The following LOC128092252 variants were observed in gnomAD, a reference collection of about 807,000 sequenced individuals.
the LOC128092252 span, among the ~76,000 whole-genome samples, chr15:50,677,763 A>T: frequency 1.3e-5 from 2 of 150,308 alleles, no homozygotes; most frequent in African/African-American, 4.9e-5. Context: ...AAAAAAAACA[A>T]AAGGTAACCC....
At chr15:50,682,646 T>C in the LOC128092252 span, among the ~76,000 whole-genome samples, 1 of 151,680 alleles carries the variant, frequency 6.6e-6, no homozygotes, top group Admixed American at 6.6e-5. Flanking sequence ...GTCAACAAAA[T>C]CTCTAAAAGA....
the LOC128092252 span, among the ~76,000 whole-genome samples, chr15:50,672,901 A>T: frequency 7.6e-6 from 1 of 131,564 alleles, no homozygotes; most frequent in Non-Finnish European, 1.6e-5. Flanking sequence ...TCTGTCTCAA[A>T]AAAAAAAAAA....
the LOC128092252 span, among the ~76,000 whole-genome samples, chr15:50,670,272 T>C: frequency 1.3e-5 from 2 of 152,102 alleles, no homozygotes; most frequent in Non-Finnish European, 1.5e-5. Context: ...TAAACCAGAG[T>C]GACTCCATCT....
At chr15:50,679,538 A>ATATATATTTTT in the LOC128092252 span, among the ~76,000 whole-genome samples, 26 of 43,888 alleles carry the variant, frequency 5.9e-4, no homozygotes, top group African/African-American at 2.8e-3. Flanking sequence ...ATATATATAT[A>ATATATATTTTT]TTTTTTTTTT....
chr15:50,651,644 A>G, the LOC128092252 span, among the ~76,000 whole-genome samples: 1 of 152,066 alleles, frequency 6.6e-6, no homozygotes, highest in East Asian at 1.9e-4. Flanking sequence ...CGAAAAAATT[A>G]AAGAAAAAAT....
the LOC128092252 span, chr15:50,686,449 C>A: frequency 6.2e-7 from 1 of 1,611,270 alleles, no homozygotes; most frequent in Non-Finnish European, 8.5e-7. Context: ...CGCGGCTCCC[C>A]ACACACTTGC....
chr15:50,657,576 A>C, the LOC128092252 span, among the ~76,000 whole-genome samples: 2 of 152,066 alleles, frequency 1.3e-5, no homozygotes, highest in Non-Finnish European at 2.9e-5. Flanking sequence ...TCTGCTCAAC[A>C]GACACAACTT....
chr15:50,652,841 G>T, the LOC128092252 span, among the ~76,000 whole-genome samples: 21 of 151,936 alleles, frequency 1.4e-4, no homozygotes, highest in African/African-American at 4.6e-4. Flanking sequence ...CTCAAAAAAA[G>T]AAAAAAAGGC....
At chr15:50,650,393 G>A in the LOC128092252 span, among the ~76,000 whole-genome samples, 2 of 151,526 alleles carry the variant, frequency 1.3e-5, no homozygotes, top group Non-Finnish European at 2.9e-5. Flanking sequence ...AAATTAGAAG[G>A]ACTAAATTAG....
chr15:50,657,651 A>G, the LOC128092252 span: 8 of 761,432 alleles, frequency 1.1e-5, no homozygotes, highest in Non-Finnish European at 1.7e-5. Context: ...TCACCTTCCA[A>G]GTCTAGGTAA....
At chr15:50,673,799 G>A in the LOC128092252 span, among the ~76,000 whole-genome samples, 1 of 152,118 alleles carries the variant, frequency 6.6e-6, no homozygotes, top group African/African-American at 2.4e-5. Context: ...ACCCAGTAGT[G>A]GGACTGCTGT....
chr15:50,660,685 G>T, the LOC128092252 span, among the ~76,000 whole-genome samples: 1 of 152,072 alleles, frequency 6.6e-6, no homozygotes. Context: ...TACTTATCAC[G>T]TTTTCTTGAT....
the LOC128092252 span, among the ~76,000 whole-genome samples, chr15:50,653,812 G>A: frequency 6.6e-6 from 1 of 152,210 alleles, no homozygotes; most frequent in Non-Finnish European, 1.5e-5. Context: ...GGTCTAAGGT[G>A]TATCTGTGAG....
the LOC128092252 span, among the ~76,000 whole-genome samples, chr15:50,685,684 A>G: frequency 6.6e-6 from 1 of 152,200 alleles, no homozygotes; most frequent in Non-Finnish European, 1.5e-5. Flanking sequence ...TTTGCTCTTC[A>G]TGTCCCTGAT....
chr15:50,677,930 G>C, the LOC128092252 span, among the ~76,000 whole-genome samples: 1 of 151,398 alleles, frequency 6.6e-6, no homozygotes, highest in Non-Finnish European at 1.5e-5. Context: ...AGAAAAGAAA[G>C]TTAAATGACA....
chr15:50,670,017 AAC>A, the LOC128092252 span, among the ~76,000 whole-genome samples: 2 of 152,152 alleles, frequency 1.3e-5, no homozygotes, highest in Admixed American at 6.6e-5. Context: ...TGTTTTATTA[AAC>A]ACTTATTAAT....
chr15:50,684,156 G>A, the LOC128092252 span, among the ~76,000 whole-genome samples: 3 of 142,862 alleles, frequency 2.1e-5, no homozygotes, highest in South Asian at 2.2e-4. Flanking sequence ...TGATTAAGTC[G>A]TTTTTTTTTT....
At chr15:50,665,126 A>G in the LOC128092252 span, among the ~76,000 whole-genome samples, 3 of 152,174 alleles carry the variant, frequency 2.0e-5, no homozygotes, top group Non-Finnish European at 2.9e-5. Flanking sequence ...ATCATGGGTC[A>G]GGCCCAGTGG....
At chr15:50,680,242 T>G in the LOC128092252 span, among the ~76,000 whole-genome samples, 1 of 150,114 alleles carries the variant, frequency 6.7e-6, no homozygotes, top group Non-Finnish European at 1.5e-5. Flanking sequence ...TCAAAAAATA[T>G]AAAAATAAAA....
Sources: allele counts gnomAD v4.1 joint callset (sites outside exome capture counted in the v4.1 genomes callset), GRCh38; gene constraint gnomAD v4.1.1; transcripts MANE v1.5.